Variants in FTCDNL1 observed in about 807,000 individuals in gnomAD.
The protein encoded by FTCDNL1 is formiminotransferase cyclodeaminase N-terminal like.
Under a neutral mutation model 5.9 loss-of-function variants are expected in FTCDNL1, and 11 were observed. That is an observed-to-expected ratio of 1.87 (90% CI 1.18 to 3.10). FTCDNL1 has a LOEUF of 3.10. Among genes scored for constraint, FTCDNL1 ranks in the 30% most tolerant of loss-of-function variants. FTCDNL1 has a pLI of 0.00. For synonymous variants in FTCDNL1, 58 were observed against 24.8 expected (o/e 2.34, Z -3.99); for missense variants, 115 against 65.5 (o/e 1.76, Z -2.61).
At chr2:199,768,670 C>T (rs1698656049) in intron 3 of FTCDNL1, among the ~76,000 whole-genome samples, 1 of 151,924 alleles carries the variant, frequency 6.6e-6, no homozygotes, top group Non-Finnish European at 1.5e-5. Context: ...CCAGGACAAG[C>T]CAAGAGAAGG....
the FTCDNL1 span, among the ~76,000 whole-genome samples, chr2:199,723,868 G>C: frequency 5.9e-5 from 9 of 152,232 alleles, no homozygotes; most frequent in Non-Finnish European, 1.2e-4. Flanking sequence ...ATCTCTGCCA[G>C]GTTTTGGTAT....
chr2:199,734,035 A>G, the FTCDNL1 span, among the ~76,000 whole-genome samples: 1 of 152,156 alleles, frequency 6.6e-6, no homozygotes, highest in Non-Finnish European at 1.5e-5. Context: ...AGTTCTGTTA[A>G]TTTATTATTT....
At chr2:199,672,442 A>C in the FTCDNL1 span, among the ~76,000 whole-genome samples, 1 of 152,198 alleles carries the variant, frequency 6.6e-6, no homozygotes, top group African/African-American at 2.4e-5. Flanking sequence ...ATTTAGTGAG[A>C]GTGTATATCT....
At position 199,812,214 on chromosome 2, in the gene FTCDNL1, T is replaced by C. The variant is rs924663415; in HGVS notation, c.*491A>G. Among the ~76,000 whole-genome samples, 48 of 152,216 alleles carry C rather than the reference T, an allele frequency of 3.2e-4. 1 individual carries two copies. The highest frequency in any genetic ancestry group is 5.9e-4 in the Admixed American group (9 of 15,292). Reference sequence around the variant, plus strand: ...GATGTTTCTGACCTAATCAGGGTAGTAGTTTCCTCTCCAAGGTGGGGAAAC... The same window carrying C: ...GATGTTTCTGACCTAATCAGGGTAGCAGTTTCCTCTCCAAGGTGGGGAAAC... On this transcript the variant is annotated 3_prime_UTR_variant, in exon 5 of 5. Coordinates refer to ENST00000420128, the MANE Select transcript of FTCDNL1 (RefSeq NM_001363886.2).
the FTCDNL1 span, among the ~76,000 whole-genome samples, chr2:199,749,556 A>G: frequency 2.0e-5 from 3 of 151,366 alleles, no homozygotes; most frequent in Non-Finnish European, 4.4e-5. Context: ...AAAAAAAAAG[A>G]GTATTTGCCA....
intron 3 of FTCDNL1, among the ~76,000 whole-genome samples, chr2:199,776,958 A>ATGTG (rs56145074): frequency 0.017 from 2,293 of 136,146 alleles, 36 homozygotes; most frequent in African/African-American, 0.032. Flanking sequence ...ATGTGTGTAT[A>ATGTG]TGTGTGTGTG....
intron 4 of FTCDNL1, 64 bp from the exon 5 acceptor site, chr2:199,812,788 TTATCATTC>T: frequency 1.5e-6 from 1 of 676,772 alleles, no homozygotes; most frequent in Non-Finnish European, 2.7e-6. Context: ...AATGAAAAAT[TTATCATTC>T]TAAATATTGG....
intron 3 of FTCDNL1, among the ~76,000 whole-genome samples, chr2:199,830,528 C>A (rs1458857036): frequency 6.6e-6 from 1 of 152,204 alleles, no homozygotes; most frequent in African/African-American, 2.4e-5. Context: ...CCCAACCATC[C>A]CCAAAGAGTA....
At chr2:199,701,287 T>C in the FTCDNL1 span, among the ~76,000 whole-genome samples, 1 of 105,428 alleles carries the variant, frequency 9.5e-6, no homozygotes, top group African/African-American at 4.2e-5. Flanking sequence ...GAATGGCTGT[T>C]ACTTGAAAGT....
chr2:199,847,910 C>T (rs902480007), intron 2 of FTCDNL1, among the ~76,000 whole-genome samples: 2 of 152,230 alleles, frequency 1.3e-5, no homozygotes, highest in African/African-American at 4.8e-5. Context: ...ACATTTCTAG[C>T]TCCTGCAAAG....
chr2:199,829,753 A>G (rs1296553913), intron 3 of FTCDNL1, among the ~76,000 whole-genome samples: 1 of 152,174 alleles, frequency 6.6e-6, no homozygotes. Context: ...GAATTGTTAA[A>G]CAGAACTGCA....
chr2:199,718,858 G>A, the FTCDNL1 span, among the ~76,000 whole-genome samples: 1 of 151,932 alleles, frequency 6.6e-6, no homozygotes, highest in Non-Finnish European at 1.5e-5. Flanking sequence ...AAAAATGTCT[G>A]TTCATGTACT....
the FTCDNL1 span, among the ~76,000 whole-genome samples, chr2:199,680,863 G>A: frequency 2.6e-5 from 4 of 152,124 alleles, no homozygotes; most frequent in Admixed American, 6.6e-5. Context: ...CCCCCTTGCC[G>A]CCACCCCTAA....
intron 3 of FTCDNL1, among the ~76,000 whole-genome samples, chr2:199,843,004 G>T (rs1559247667): frequency 1.3e-5 from 2 of 151,840 alleles, no homozygotes; most frequent in African/African-American, 2.4e-5. Context: ...TAGAAAAGGG[G>T]ATGTAAAAAT....
the FTCDNL1 span, among the ~76,000 whole-genome samples, chr2:199,701,939 G>A: frequency 1.3e-5 from 2 of 152,176 alleles, no homozygotes; most frequent in Non-Finnish European, 2.9e-5. Context: ...GGAGGCTGAG[G>A]CATGAGAATC....
At chr2:199,715,436 A>T in the FTCDNL1 span, among the ~76,000 whole-genome samples, 1 of 152,192 alleles carries the variant, frequency 6.6e-6, no homozygotes, top group Non-Finnish European at 1.5e-5. Flanking sequence ...ATGGTTCTAT[A>T]AAAGGGCAGT....
At chr2:199,801,282 T>C (rs889132555) in intron 3 of FTCDNL1, among the ~76,000 whole-genome samples, 3 of 152,124 alleles carry the variant, frequency 2.0e-5, no homozygotes, top group African/African-American at 7.2e-5. Context: ...TCTCCTTTAT[T>C]TGAGTCCAAA....
At chr2:199,846,284 AC>A in intron 2 of FTCDNL1, 114 bp from the exon 3 acceptor site, 1 of 580,188 alleles carries the variant, frequency 1.7e-6, no homozygotes. Context: ...CTGGGATGTG[AC>A]TTTTGGAAGT....
At chr2:199,667,217 T>C in the FTCDNL1 span, among the ~76,000 whole-genome samples, 1 of 152,232 alleles carries the variant, frequency 6.6e-6, no homozygotes, top group Non-Finnish European at 1.5e-5. Flanking sequence ...TGAGTTGGTT[T>C]TCCTGTCCAT....
Sources: gnomAD v4.1 joint callset for allele counts (sites outside exome capture counted in the v4.1 genomes callset) on GRCh38, gnomAD v4.1.1 for gene constraint, MANE v1.5 for transcripts, NCBI Gene and HGNC (gene_info 2026-07-23, HGNC 2026-07-21) for gene names.